PPARG: variants seen among roughly 807,000 people sequenced by gnomAD.
The protein encoded by PPARG is peroxisome proliferator-activated receptor gamma.
A neutral mutation model predicts 39.2 loss-of-function variants in PPARG; 17 were observed. That is an observed-to-expected ratio of 0.43 (90% CI 0.30 to 0.65). The LOEUF is 0.65. Among genes scored for constraint, PPARG ranks in the 30% least tolerant of loss-of-function variants. PPARG has a pLI of 0.13. For missense variants in PPARG, 406 were observed against 585.9 expected (o/e 0.69, Z 3.17); for synonymous variants, 223 against 215.7 (o/e 1.03, Z -0.30).
intron 5 of PPARG, 138 bp downstream of exon 5, chr3:12,392,890 C>T: frequency 8.9e-7 from 1 of 1,124,498 alleles, no homozygotes; most frequent in Non-Finnish European, 1.3e-6. Context: ...GGCGATAAAA[C>T]ATTTCTCTTT....
chr3:12,290,193 A>T (rs1011703466), intron 1 of PPARG, among the ~76,000 whole-genome samples: 5 of 152,020 alleles, frequency 3.3e-5, no homozygotes, highest in Non-Finnish European at 5.9e-5. Context: ...GGTTTTTTTT[A>T]AAATCAAAAA....
At chr3:12,315,884 A>G (rs201553108) in intron 2 of PPARG, among the ~76,000 whole-genome samples, 2 of 152,306 alleles carry the variant, frequency 1.3e-5, no homozygotes, top group East Asian at 3.9e-4. Context: ...AAAGTATTTC[A>G]TGCAATACTT....
intron 7 of PPARG, among the ~76,000 whole-genome samples, chr3:12,429,947 C>G (rs1185677255): frequency 6.6e-6 from 1 of 152,156 alleles, no homozygotes; most frequent in Non-Finnish European, 1.5e-5. Context: ...ATGCTGAAAT[C>G]TAAAAAGAAA....
chr3:12,421,039 G>A (rs1170099037), intron 7 of PPARG, among the ~76,000 whole-genome samples: 6 of 152,232 alleles, frequency 3.9e-5, no homozygotes, highest in South Asian at 2.1e-4. Flanking sequence ...TCCTGACAGC[G>A]CTCCTGGGCT....
intron 2 of PPARG, among the ~76,000 whole-genome samples, chr3:12,352,549 C>T: frequency 6.6e-6 from 1 of 151,996 alleles, no homozygotes; most frequent in East Asian, 1.9e-4. Flanking sequence ...TTTTATTTTT[C>T]TCTTCTCAGA....
At chr3:12,329,555 C>T (rs1320289138) in intron 2 of PPARG, among the ~76,000 whole-genome samples, 3 of 152,068 alleles carry the variant, frequency 2.0e-5, no homozygotes, top group Admixed American at 6.6e-5. Context: ...TCTATTAGTT[C>T]GTTAAAAGTT....
At chr3:12,349,159 AG>A (rs899157866) in intron 2 of PPARG, among the ~76,000 whole-genome samples, 1 of 152,226 alleles carries the variant, frequency 6.6e-6, no homozygotes, top group African/African-American at 2.4e-5. Flanking sequence ...GAACTCATTA[AG>A]TATAGAAACC....
At chr3:12,430,937 A>G (rs367731178) in intron 7 of PPARG, among the ~76,000 whole-genome samples, 13 of 152,350 alleles carry the variant, frequency 8.5e-5, no homozygotes, top group Admixed American at 2.0e-4. Context: ...ATGGCTTAAC[A>G]TGGAGCAAAA....
chr3:12,341,816 G>GA (rs138502109), intron 2 of PPARG, among the ~76,000 whole-genome samples: 2 of 151,398 alleles, frequency 1.3e-5, no homozygotes, highest in East Asian at 3.9e-4. Flanking sequence ...CTCAAAAAAA[G>GA]AAAAAAAATT....
intron 2 of PPARG, among the ~76,000 whole-genome samples, chr3:12,327,638 A>G (rs1354367242): frequency 6.6e-6 from 1 of 152,178 alleles, no homozygotes; most frequent in Non-Finnish European, 1.5e-5. Flanking sequence ...CTTCAGACCC[A>G]CAGTCTGAAG....
intron 1 of PPARG, among the ~76,000 whole-genome samples, chr3:12,293,746 A>G (rs971259602): frequency 6.6e-6 from 1 of 152,192 alleles, no homozygotes; most frequent in African/African-American, 2.4e-5. Context: ...AAGGGAATGG[A>G]AAGAGGTTAC....
intron 6 of PPARG, among the ~76,000 whole-genome samples, chr3:12,411,525 T>G (rs1016952242): frequency 1.3e-5 from 2 of 152,194 alleles, no homozygotes; most frequent in Non-Finnish European, 2.9e-5. Flanking sequence ...CAGTTCATCC[T>G]AGAACAATCA....
chr3:12,359,532 G>A (rs1285713530), intron 2 of PPARG, among the ~76,000 whole-genome samples: 3 of 152,092 alleles, frequency 2.0e-5, no homozygotes, highest in East Asian at 1.9e-4. Context: ...GACTCTTGAC[G>A]TAGGCCTCAG....
intron 2 of PPARG, among the ~76,000 whole-genome samples, chr3:12,318,929 T>C (rs180714202): frequency 1.3e-5 from 2 of 152,232 alleles, no homozygotes; most frequent in East Asian, 1.9e-4. Flanking sequence ...ATAATTTAAA[T>C]TATTAAAAGT....
At chr3:12,365,827 A>T (rs905695234) in intron 2 of PPARG, among the ~76,000 whole-genome samples, 6 of 152,280 alleles carry the variant, frequency 3.9e-5, no homozygotes, top group Middle Eastern at 3.4e-3. Context: ...GCTTGAAGTC[A>T]GGTAATGTCA....
At chr3:12,319,715 T>A (rs1442478542) in intron 2 of PPARG, among the ~76,000 whole-genome samples, 1 of 152,106 alleles carries the variant, frequency 6.6e-6, no homozygotes, top group Non-Finnish European at 1.5e-5. Context: ...TAGTTATACT[T>A]TGGAAGAACC....
intron 2 of PPARG, among the ~76,000 whole-genome samples, chr3:12,334,833 A>G (rs1301165023): frequency 6.6e-6 from 1 of 152,092 alleles, no homozygotes; most frequent in Non-Finnish European, 1.5e-5. Context: ...CTGTTATCCT[A>G]CCATCTAGGT....
intron 2 of PPARG, among the ~76,000 whole-genome samples, chr3:12,312,966 G>C (rs551808533): frequency 6.6e-6 from 1 of 152,230 alleles, no homozygotes; most frequent in Non-Finnish European, 1.5e-5. Context: ...TGACTAGATG[G>C]GGGTAGGATT....
At chr3:12,390,113 G>A (rs2050016325) in intron 4 of PPARG, among the ~76,000 whole-genome samples, 1 of 152,104 alleles carries the variant, frequency 6.6e-6, no homozygotes, top group Non-Finnish European at 1.5e-5. Context: ...GAAAAGCCAG[G>A]GACATACAAA....
Sources: allele counts gnomAD v4.1 joint callset (sites outside exome capture counted in the v4.1 genomes callset), GRCh38; gene constraint gnomAD v4.1.1; transcripts MANE v1.5; gene names NCBI Gene and HGNC (gene_info 2026-07-23, HGNC 2026-07-21).